COL4A2: variants seen among roughly 807,000 people sequenced by gnomAD.
COL4A2 encodes the protein collagen alpha-2(IV) chain.
A neutral mutation model predicts 200.2 loss-of-function variants in COL4A2; 99 were observed. The ratio of observed to expected loss-of-function variants is 0.49; its 90% CI spans 0.42 to 0.58. COL4A2 has a LOEUF of 0.58. COL4A2 is among the 20% of genes least tolerant of loss of function. The probability of loss-of-function intolerance (pLI) is 0.00; values close to 1 mark genes in which losing one functional copy is unlikely to be tolerated. For missense variants in COL4A2, 1,950 were observed against 2,314.1 expected, an observed-to-expected ratio of 0.84 and a Z score of 3.23; for synonymous variants, 897 against 900.6, an observed-to-expected ratio of 1.00 and a Z score of 0.07.
intron 38 of COL4A2, among the ~76,000 whole-genome samples, 156 bp from the exon 39 acceptor site, chr13:110,493,054 TG>T (rs1479198016): frequency 1.4e-4 from 7 of 49,498 alleles, no homozygotes; most frequent in African/African-American, 4.2e-4. Context: ...CCCCCACAGG[TG>T]AAATAACGAT....
At chr13:110,381,387 C>T (rs1377229473) in intron 4 of COL4A2, among the ~76,000 whole-genome samples, 4 of 152,352 alleles carry the variant, frequency 2.6e-5, no homozygotes, top group African/African-American at 9.6e-5. Flanking sequence ...GCTCCTCTAC[C>T]GTAGCCAGAT....
intron 30 of COL4A2, among the ~76,000 whole-genome samples, chr13:110,479,396 C>CG (rs55946870): frequency 1.8e-5 from 2 of 111,658 alleles, no homozygotes; most frequent in African/African-American, 3.4e-5. Flanking sequence ...CTGGTGCCAG[C>CG]GGGGAGAAGG....
chr13:110,449,326 G>C (rs1039692332), intron 18 of COL4A2, among the ~76,000 whole-genome samples: 8 of 152,126 alleles, frequency 5.3e-5, no homozygotes, highest in African/African-American at 1.9e-4. Context: ...ACAGGGATGA[G>C]AAGAGCCTAA....
At chr13:110,338,544 C>T (rs1876310399) in intron 3 of COL4A2, among the ~76,000 whole-genome samples, 1 of 152,150 alleles carries the variant, frequency 6.6e-6, no homozygotes, top group African/African-American at 2.4e-5. Context: ...TGGGCCTTCC[C>T]AGTTAGCACT....
intron 3 of COL4A2, among the ~76,000 whole-genome samples, chr13:110,329,276 G>A (rs750887685): frequency 1.4e-4 from 22 of 152,130 alleles, no homozygotes; most frequent in South Asian, 2.1e-4. Context: ...TTACATTCCC[G>A]GTAGACCTCT....
intron 4 of COL4A2, among the ~76,000 whole-genome samples, chr13:110,359,705 C>T (rs1263192901): frequency 2.0e-5 from 3 of 152,222 alleles, no homozygotes; most frequent in Admixed American, 6.5e-5. Flanking sequence ...TGCCTCCTCT[C>T]CTGTGTCCCC....
At chr13:110,385,509 G>C (rs1228301980) in intron 4 of COL4A2, among the ~76,000 whole-genome samples, 4 of 148,934 alleles carry the variant, frequency 2.7e-5, no homozygotes, top group Middle Eastern at 3.5e-3. Context: ...TACAGTGTGT[G>C]GATAGGCCGT....
chr13:110,371,990 T>G (rs1328818770), intron 4 of COL4A2, among the ~76,000 whole-genome samples: 1 of 152,048 alleles, frequency 6.6e-6, no homozygotes, highest in Non-Finnish European at 1.5e-5. Context: ...GGAACCACAT[T>G]TGCACCCTGA....
intron 3 of COL4A2, among the ~76,000 whole-genome samples, chr13:110,313,520 G>A (rs1312927620): frequency 5.1e-5 from 7 of 138,596 alleles, no homozygotes; most frequent in Admixed American, 4.3e-4. Flanking sequence ...GCGTCCACCC[G>A]GCAGGCTCCC....
intron 31 of COL4A2, among the ~76,000 whole-genome samples, chr13:110,482,162 T>G (rs1165183434): frequency 2.0e-5 from 3 of 152,242 alleles, no homozygotes; most frequent in African/African-American, 7.2e-5. Flanking sequence ...AGGTGCAGTG[T>G]TACTGCTGCC....
At chr13:110,460,401 C>T (rs1881978584) in intron 22 of COL4A2, among the ~76,000 whole-genome samples, 1 of 152,216 alleles carries the variant, frequency 6.6e-6, no homozygotes. Flanking sequence ...ATCTCTGAAT[C>T]ATGGCTGTCT....
intron 34 of COL4A2, among the ~76,000 whole-genome samples, chr13:110,488,405 C>T (rs1439963566): frequency 6.6e-6 from 1 of 152,168 alleles, no homozygotes; most frequent in East Asian, 1.9e-4. Context: ...CAGTGGCACC[C>T]AGGTAGACCA....
intron 29 of COL4A2, among the ~76,000 whole-genome samples, chr13:110,474,642 G>A (rs1213824142): frequency 6.6e-6 from 1 of 152,012 alleles, no homozygotes; most frequent in Admixed American, 6.6e-5. Context: ...ACCTACACAC[G>A]TGCCTATGCA....
intron 3 of COL4A2, among the ~76,000 whole-genome samples, chr13:110,350,054 C>T (rs375643388): frequency 2.3e-3 from 351 of 152,316 alleles, no homozygotes; most frequent in African/African-American, 8.2e-3. Flanking sequence ...TGAGCCACCA[C>T]ACCCAGCCCA....
intron 4 of COL4A2, among the ~76,000 whole-genome samples, chr13:110,372,647 A>G (rs369752688): frequency 3.3e-5 from 5 of 152,228 alleles, no homozygotes; most frequent in South Asian, 2.1e-4. Flanking sequence ...ACCTGAAAAG[A>G]CAGAAAATTG....
Position 110,357,502 on chromosome 13 carries a change from G to C in COL4A2, c.130G>C (p.Gly44Arg). 2 of 1,595,164 alleles carry C rather than the reference G, an allele frequency of 1.3e-6. No individual in the cohort carries two copies. The highest frequency in any genetic ancestry group is 1.7e-6 in the Non-Finnish European group (2 of 1,168,938). The change falls in exon 4 of 48, where the codon GGA (glycine) becomes CGA (arginine). Residue 44 changes from glycine (G) to arginine (R), a missense_variant. Physicochemically the swap from Gly to Arg is moderately radical, Grantham distance 125 (BLOSUM62 -2). Around this residue, in one of 2 missense-constraint regions of COL4A2, gnomAD observed 565 missense variants for 593.5 expected, o/e 0.95. Coordinates refer to ENST00000360467, the MANE Select transcript of COL4A2 (RefSeq NM_001846.4). ...GVKKFDVPCG[G>R]RDCSGGCQCY... is the part of the protein sequence containing the mutation. ...GAAGAAGTTTGATGTGCCGTGTGGA[G>C]GAAGAGATTGCAGTGGGGGCTGCCA...
intron 12 of COL4A2, chr13:110,436,039 C>G (rs1880856947): frequency 1.5e-6 from 1 of 663,730 alleles, no homozygotes; most frequent in South Asian, 1.7e-5. Flanking sequence ...TGTAAACAAC[C>G]TACATGGCTT....
At chr13:110,369,621 T>G (rs551169671) in intron 4 of COL4A2, among the ~76,000 whole-genome samples, 1 of 152,220 alleles carries the variant, frequency 6.6e-6, no homozygotes, top group South Asian at 2.1e-4. Flanking sequence ...CAGGTGGCAC[T>G]ATGGCATAGG....
chr13:110,350,444 C>CT (rs1338704559), intron 3 of COL4A2, among the ~76,000 whole-genome samples: 27 of 152,216 alleles, frequency 1.8e-4, no homozygotes, highest in Non-Finnish European at 3.5e-4. Flanking sequence ...GGCTCAGCCA[C>CT]TGAGTCCTTA....
Sources: gnomAD v4.1 joint callset for allele counts (sites outside exome capture counted in the v4.1 genomes callset) on GRCh38, gnomAD v4.1.1 for gene constraint, gnomAD v4.1.1 regional missense constraint, MANE v1.5 for transcripts, NCBI Gene and HGNC (gene_info 2026-07-23, HGNC 2026-07-21) for gene names.